WNK3: variants seen among roughly 807,000 people sequenced by gnomAD.
WNK3 encodes the protein WNK lysine deficient protein kinase 3, also known as serine/threonine-protein kinase WNK3.
WNK3 carries 18 observed loss-of-function variants against 116.7 expected under a neutral mutation model. That is an observed-to-expected ratio of 0.15 (90% CI 0.11 to 0.23). The LOEUF (loss-of-function observed/expected upper bound fraction) is 0.23, where lower values mean the gene tolerates loss of function less well. WNK3 is among the 10% of genes least tolerant of loss of function. The probability of loss-of-function intolerance (pLI) is 1.00; values close to 1 mark genes in which losing one functional copy is unlikely to be tolerated. For synonymous variants in WNK3, 404 were observed against 469.4 expected (o/e 0.86, Z 1.80); for missense variants, 993 against 1,323.8 (o/e 0.75, Z 3.88).
At chrX:54,326,134 A>G (rs1557173340) in intron 2 of WNK3, among the ~76,000 whole-genome samples, 1 of 105,235 alleles carries the variant, frequency 9.5e-6, no homozygotes. Flanking sequence ...TCTGTTGCCC[A>G]GGCTGGAGTG....
Position 54,328,458 on chromosome X carries a change from C to CA in WNK3, c.537+4678dup, listed in dbSNP as rs1424113176. On this transcript the variant is annotated intron_variant, in intron 2 of 23. Coordinates refer to ENST00000354646, the Ensembl canonical transcript of WNK3. ...GCTAAGGCATCTCTACAAAATATTTCAAAAAAAAAAAAATTAGCTGGGGAT... is the reference window on the plus strand; with the variant it reads ...GCTAAGGCATCTCTACAAAATATTTCAAAAAAAAAAAAAATTAGCTGGGGAT... Among the ~76,000 whole-genome samples the CA allele has an allele frequency of 8.7e-4, 87 of 100,095 alleles. 1 individual carries two copies. Among genetic ancestry groups the CA allele is most frequent in the Middle Eastern group, 9.9e-3 (2 of 203 alleles). 86.9% of individuals were successfully genotyped at this position (100,095 alleles called of 115,157 possible). A position where few individuals can be genotyped will look rare whatever the true frequency, so the allele number is the denominator to read the frequency against.
chrX:54,211,866 C>T (rs2146738080), intron 22 of WNK3, among the ~76,000 whole-genome samples: 1 of 110,191 alleles, frequency 9.1e-6, no homozygotes, highest in Non-Finnish European at 1.9e-5. Context: ...CAACACACTA[C>T]CAATAATCCA....
At chrX:54,257,345 G>A in intron 11 of WNK3, among the ~76,000 whole-genome samples, 1 of 110,969 alleles carries the variant, frequency 9.0e-6, no homozygotes. Context: ...TCCACCTCTT[G>A]GCCCAGCAGT....
chrX:54,284,210 AG>A (rs1281346326), intron 10 of WNK3, among the ~76,000 whole-genome samples: 1 of 112,024 alleles, frequency 8.9e-6, no homozygotes, highest in Non-Finnish European at 1.9e-5. Context: ...CATAATAAAA[AG>A]ACAAACATGA....
intron 2 of WNK3, among the ~76,000 whole-genome samples, chrX:54,316,045 C>T (rs1348783366): frequency 1.8e-5 from 2 of 111,519 alleles, no homozygotes; most frequent in African/African-American, 6.5e-5. Flanking sequence ...TTTAGCTCTG[C>T]TCACACTTTT....
intron 22 of WNK3, chrX:54,224,099 A>T (rs189090179): frequency 0.014 from 1,587 of 114,840 alleles, 10 homozygotes; most frequent in Admixed American, 0.029. Flanking sequence ...CACGCCTGTA[A>T]TCCCAGCACT....
chrX:54,344,287 C>CA (rs2069374661), intron 1 of WNK3, among the ~76,000 whole-genome samples: 1 of 109,868 alleles, frequency 9.1e-6, no homozygotes, highest in Non-Finnish European at 1.9e-5. Context: ...ACTAAAAATA[C>CA]AAAAAATTAG....
At chrX:54,355,893 A>G (rs1258417287) in intron 1 of WNK3, among the ~76,000 whole-genome samples, 1 of 111,651 alleles carries the variant, frequency 9.0e-6, no homozygotes, top group Non-Finnish European at 1.9e-5. Flanking sequence ...CTTCTACTGT[A>G]CTATTTAATA....
intron 1 of WNK3, among the ~76,000 whole-genome samples, chrX:54,350,436 C>CAAG (rs1413392549): frequency 9.2e-6 from 1 of 109,264 alleles, no homozygotes; most frequent in African/African-American, 3.3e-5. Context: ...AAAGTAAGTA[C>CAAG]AAGTGGCCAA....
At chrX:54,276,123 T>C (rs1557160736) in intron 10 of WNK3, among the ~76,000 whole-genome samples, 2 of 110,832 alleles carry the variant, frequency 1.8e-5, no homozygotes. Context: ...GTGGATCACC[T>C]GAGGTCAGGA....
At chrX:54,200,560 T>C (rs973075172) in intron 23 of WNK3, among the ~76,000 whole-genome samples, 4 of 111,734 alleles carry the variant, frequency 3.6e-5, no homozygotes, top group Non-Finnish European at 7.5e-5. Flanking sequence ...TTGAAAGACA[T>C]GAAAACTGAG....
At chrX:54,203,408 C>T (rs1557142074) in intron 22 of WNK3, among the ~76,000 whole-genome samples, 1 of 111,627 alleles carries the variant, frequency 9.0e-6, no homozygotes, top group Non-Finnish European at 1.9e-5. Context: ...AATTTAAGCA[C>T]AATAACAGTT....
intron 15 of WNK3, among the ~76,000 whole-genome samples, chrX:54,251,084 A>C (rs1404739378): frequency 8.9e-6 from 1 of 111,963 alleles, no homozygotes; most frequent in Non-Finnish European, 1.9e-5. Flanking sequence ...TATCCATCTC[A>C]AATCAGAAAA....
chrX:54,230,161 A>G (rs782181105), intron 21 of WNK3, among the ~76,000 whole-genome samples: 114 of 111,654 alleles, frequency 1.0e-3, no homozygotes, highest in Non-Finnish European at 1.7e-3. Flanking sequence ...AAAACTCTCG[A>G]AAATCAACCA....
intron 17 of WNK3, among the ~76,000 whole-genome samples, chrX:54,247,144 C>G (rs2068081266): frequency 9.0e-6 from 1 of 111,167 alleles, no homozygotes; most frequent in African/African-American, 3.3e-5. Context: ...AATTCCATGA[C>G]ACCAGAAACA....
intron 22 of WNK3, among the ~76,000 whole-genome samples, chrX:54,226,912 T>C (rs1557148003): frequency 9.0e-6 from 1 of 111,100 alleles, no homozygotes; most frequent in Non-Finnish European, 1.9e-5. Context: ...AGTTAGGCAA[T>C]AGATTTTTTT....
intron 10 of WNK3, among the ~76,000 whole-genome samples, chrX:54,260,847 G>A (rs923585165): frequency 1.1e-4 from 12 of 108,270 alleles, no homozygotes; most frequent in Non-Finnish European, 9.6e-5. Flanking sequence ...CTGAGCCCCC[G>A]AGTAGCTGGC....
At chrX:54,249,399 TGAA>T in exon 17 of WNK3, 1 of 1,211,868 alleles carries the variant, frequency 8.3e-7, no homozygotes, top group African/African-American at 1.7e-5. Context: ...CTGCACGAAC[TGAA>T]GTAGTAGAGT....
chrX:54,318,767 T>C (rs1367610737), intron 2 of WNK3, among the ~76,000 whole-genome samples: 3 of 110,703 alleles, frequency 2.7e-5, no homozygotes, highest in Non-Finnish European at 3.8e-5. Context: ...CTTTACTATC[T>C]GGCCTAATAA....
Sources: gnomAD v4.1 joint callset for allele counts (sites outside exome capture counted in the v4.1 genomes callset) on GRCh38, gnomAD v4.1.1 for gene constraint, MANE v1.5 for transcripts, NCBI Gene and HGNC (gene_info 2026-07-23, HGNC 2026-07-21) for gene names.